FRMD3: variants seen among roughly 807,000 people sequenced by gnomAD.
The protein encoded by FRMD3 is FERM domain-containing protein 3.
In FRMD3, 33 loss-of-function variants were observed where a neutral mutation model predicts 70.2. The ratio of observed to expected loss-of-function variants is 0.47; its 90% CI spans 0.36 to 0.63. FRMD3 has a LOEUF of 0.63. FRMD3 is among the 20% of genes least tolerant of loss of function. FRMD3 has a pLI of 0.00. For missense variants in FRMD3, 632 were observed against 711.4 expected, an observed-to-expected ratio of 0.89 and a Z score of 1.27; for synonymous variants, 279 against 255.9, an observed-to-expected ratio of 1.09 and a Z score of -0.86.
intron 13 of FRMD3, among the ~76,000 whole-genome samples, chr9:83,289,632 A>G (rs1170123360): frequency 2.0e-5 from 3 of 152,194 alleles, no homozygotes; most frequent in Non-Finnish European, 4.4e-5. Flanking sequence ...TTGAAGCTGG[A>G]GGTGAAGGTG....
intron 1 of FRMD3, among the ~76,000 whole-genome samples, chr9:83,503,022 T>C (rs909239922): frequency 1.3e-5 from 2 of 152,170 alleles, no homozygotes; most frequent in African/African-American, 4.8e-5. Context: ...TACAGTGTAA[T>C]TAGCAGTAGT....
At chr9:83,491,410 A>C (rs1232672639) in intron 1 of FRMD3, among the ~76,000 whole-genome samples, 2 of 152,238 alleles carry the variant, frequency 1.3e-5, no homozygotes, top group African/African-American at 4.8e-5. Context: ...ACCTGGAGAC[A>C]CAGAGCACAC....
At chr9:83,539,706 C>T (rs1444107199), upstream of FRMD3, among the ~76,000 whole-genome samples, 3 of 152,172 alleles carry the variant, frequency 2.0e-5, no homozygotes, top group Non-Finnish European at 4.4e-5. Context: ...ACTTCTCTCT[C>T]TGCCTGCTCC....
intron 13 of FRMD3, among the ~76,000 whole-genome samples, chr9:83,255,415 G>A (rs1038596156): frequency 8.5e-5 from 13 of 152,056 alleles, no homozygotes; most frequent in African/African-American, 2.7e-4. Flanking sequence ...TAAACCCACA[G>A]CCACTATCAT....
At chr9:83,316,614 T>C (rs1419229121) in intron 6 of FRMD3, among the ~76,000 whole-genome samples, 2 of 152,232 alleles carry the variant, frequency 1.3e-5, no homozygotes, top group African/African-American at 2.4e-5. Flanking sequence ...GATATATGTA[T>C]ATAGAGAATA....
rs149707503 is a variant in FRMD3 at position 83,251,634 on chromosome 9, G to A, written c.1196-3118C>T. Among the ~76,000 whole-genome samples, 1,330 of 152,216 alleles carry A rather than the reference G, an allele frequency of 8.7e-3. 15 individuals carry two copies. The highest frequency in any genetic ancestry group is 0.013 in the Non-Finnish European group (878 of 67,992). On this transcript the variant is annotated intron_variant, in intron 13 of 13. Coordinates refer to ENST00000304195, the MANE Select transcript of FRMD3 (RefSeq NM_174938.6). ...TAAGACTCACAATGATACAATACAG[G>A]GGCTGATAGCCAGAATAGCCAGGTT...
chr9:83,263,481 G>A (rs1337296253), intron 13 of FRMD3, among the ~76,000 whole-genome samples: 1 of 152,138 alleles, frequency 6.6e-6, no homozygotes, highest in Non-Finnish European at 1.5e-5. Context: ...ACATGTCATG[G>A]CAAACATTAT....
intron 1 of FRMD3, among the ~76,000 whole-genome samples, chr9:83,507,593 C>G (rs1203189974): frequency 6.8e-6 from 1 of 147,404 alleles, no homozygotes; most frequent in Non-Finnish European, 1.5e-5. Context: ...TGGCATGAAC[C>G]TGGGAGGCAG....
intron 13 of FRMD3, among the ~76,000 whole-genome samples, chr9:83,289,498 T>A (rs2209187): frequency 6.6e-6 from 1 of 152,024 alleles, no homozygotes; most frequent in Non-Finnish European, 1.5e-5. Flanking sequence ...AGGAAAAGAT[T>A]TACTAGAATT....
At chr9:83,414,756 G>A (rs1240386099) in intron 1 of FRMD3, among the ~76,000 whole-genome samples, 1 of 152,140 alleles carries the variant, frequency 6.6e-6, no homozygotes, top group African/African-American at 2.4e-5. Flanking sequence ...CAAATATCAT[G>A]GTCACAGCTC....
At chr9:83,463,861 T>C (rs1055453612) in intron 1 of FRMD3, among the ~76,000 whole-genome samples, 8 of 152,246 alleles carry the variant, frequency 5.3e-5, no homozygotes, top group Non-Finnish European at 2.9e-5. Context: ...TTTTACCTTC[T>C]GCCAGGCAGG....
chr9:83,494,886 TATG>T (rs766323198), intron 1 of FRMD3, among the ~76,000 whole-genome samples: 27 of 151,874 alleles, frequency 1.8e-4, no homozygotes, highest in Non-Finnish European at 2.9e-4. Flanking sequence ...TGTGTATATA[TATG>T]ATATTTTACA....
At chr9:83,401,336 T>C (rs1825944939) in intron 1 of FRMD3, among the ~76,000 whole-genome samples, 1 of 152,234 alleles carries the variant, frequency 6.6e-6, no homozygotes, top group Non-Finnish European at 1.5e-5. Context: ...TTCAGATTTT[T>C]AAAAGTAGAA....
intron 1 of FRMD3, among the ~76,000 whole-genome samples, chr9:83,481,146 T>C (rs1254209140): frequency 6.6e-6 from 1 of 152,238 alleles, no homozygotes; most frequent in Non-Finnish European, 1.5e-5. Context: ...GATGGGATTG[T>C]GAAGGGCACA....
chr9:83,498,604 G>A (rs1828994561), intron 1 of FRMD3, among the ~76,000 whole-genome samples: 1 of 152,076 alleles, frequency 6.6e-6, no homozygotes, highest in Non-Finnish European at 1.5e-5. Flanking sequence ...TATTTCATAT[G>A]TTCAAGAGAC....
At chr9:83,487,639 T>C (rs1426899512) in intron 1 of FRMD3, among the ~76,000 whole-genome samples, 1 of 152,180 alleles carries the variant, frequency 6.6e-6, no homozygotes, top group Non-Finnish European at 1.5e-5. Context: ...GCAGACATGC[T>C]AGGAGAGCCC....
At chr9:83,399,764 T>C (rs1825901145) in intron 1 of FRMD3, among the ~76,000 whole-genome samples, 1 of 152,176 alleles carries the variant, frequency 6.6e-6, no homozygotes. Flanking sequence ...AATAAATAAC[T>C]TCCTCAACTT....
intron 1 of FRMD3, among the ~76,000 whole-genome samples, chr9:83,444,432 A>G (rs1334497534): frequency 6.6e-6 from 1 of 152,244 alleles, no homozygotes; most frequent in Non-Finnish European, 1.5e-5. Context: ...TGCCAGGAAT[A>G]AGCTAAGTCT....
At chr9:83,485,386 G>A (rs2131486055) in intron 1 of FRMD3, among the ~76,000 whole-genome samples, 1 of 152,318 alleles carries the variant, frequency 6.6e-6, no homozygotes, top group South Asian at 2.1e-4. Context: ...ATCTTAAGGA[G>A]ATGAGAGATC....
Sources: allele counts gnomAD v4.1 joint callset (sites outside exome capture counted in the v4.1 genomes callset), GRCh38; gene constraint gnomAD v4.1.1; transcripts MANE v1.5; gene names NCBI Gene and HGNC (gene_info 2026-07-23, HGNC 2026-07-21).